Variants in PTPRF observed in about 807,000 individuals in gnomAD.
PTPRF encodes protein tyrosine phosphatase receptor type F.
A neutral mutation model predicts 201.8 loss-of-function variants in PTPRF; 59 were observed. The ratio of observed to expected loss-of-function variants is 0.29; its 90% CI spans 0.24 to 0.36. PTPRF has a LOEUF of 0.36. Among genes scored for constraint, PTPRF ranks in the 10% least tolerant of loss-of-function variants. The pLI is 1.00. For missense variants in PTPRF, 2,132 were observed against 2,690.5 expected, an observed-to-expected ratio of 0.79 and a Z score of 4.59; for synonymous variants, 1,088 against 1,089.7, an observed-to-expected ratio of 1.00 and a Z score of 0.03.
intron 22 of PTPRF, chr1:43,613,161 A>ATACGG: frequency 4.4e-6 from 1 of 225,986 alleles, no homozygotes; most frequent in Non-Finnish European, 8.9e-6. Context: ...GTACTTCATG[A>ATACGG]CCACTCCATC....
chr1:43,548,031 C>T (rs1048660795), intron 3 of PTPRF, among the ~76,000 whole-genome samples: 2 of 151,810 alleles, frequency 1.3e-5, no homozygotes, highest in Non-Finnish European at 2.9e-5. Flanking sequence ...GTGGCACTGA[C>T]ACAGGCCATG....
chr1:43,526,004 T>A (rs562181916), upstream of PTPRF, among the ~76,000 whole-genome samples: 5 of 151,546 alleles, frequency 3.3e-5, no homozygotes, highest in Non-Finnish European at 7.4e-5. Flanking sequence ...GGGAGGGAAT[T>A]TTTTTTAGGA....
chr1:43,578,209 G>A (rs1029848601), intron 6 of PTPRF, among the ~76,000 whole-genome samples: 2 of 152,234 alleles, frequency 1.3e-5, no homozygotes, highest in Admixed American at 6.5e-5. Context: ...TAGCAGGACC[G>A]GGCTGAGGAG....
rs1000899867 is a variant in PTPRF at position 43,592,552 on chromosome 1, G to A, written c.1764G>A (p.Met588Ile). 3.7e-6 allele frequency: 6 copies of A among 1,610,694 alleles called. No individual in the cohort carries two copies. The African/African-American group carries it at 6.7e-5, about 18-fold the overall frequency. The change falls in exon 11 of 34, where the codon ATG becomes ATA. Residue 588 changes from methionine (M) to isoleucine (I), a missense_variant. Met to Ile is a conservative substitution (Grantham distance 10). Around this residue, in one of 6 missense-constraint regions of PTPRF, gnomAD observed 351 missense variants for 401.7 expected, o/e 0.87. Transcript: ENST00000359947. ...YRFQLAARSD[M>I]GVGVFTPTIE... ...TCCAGCTGGCTGCACGCTCGGATAT[G>A]GGGGTGGGCGTCTTCACCCCCACCA...
chr1:43,585,053 A>T lies in PTPRF; in HGVS notation c.680-3678A>T, dbSNP rs187381686. Among the ~76,000 whole-genome samples, 264 of 152,360 alleles carry T rather than the reference A, an allele frequency of 1.7e-3. 4 individuals are homozygous for T. Among genetic ancestry groups the T allele is most frequent in the Non-Finnish European group, 4.1e-4 (28 of 68,032 alleles). The stretch of plus-strand genomic sequence containing the variant: ...AATTGTCTATAAAATGTCAGCACTA[A>T]GGATGCACAGGGAACGGTAATATAC... On this transcript the variant is annotated intron_variant, in intron 7 of 33. Coordinates refer to ENST00000359947, the MANE Select transcript of PTPRF (RefSeq NM_002840.5).
At chr1:43,580,895 A>G (rs1647420000) in intron 7 of PTPRF, among the ~76,000 whole-genome samples, 2 of 152,264 alleles carry the variant, frequency 1.3e-5, no homozygotes, top group African/African-American at 2.4e-5. Context: ...GGCGTGGCCT[A>G]TGGGCACATT....
intron 2 of PTPRF, among the ~76,000 whole-genome samples, chr1:43,539,212 G>GC (rs1257364815): frequency 6.6e-6 from 1 of 152,228 alleles, no homozygotes; most frequent in African/African-American, 2.4e-5. Context: ...GTGGCAGTGA[G>GC]GATGGAGGCA....
chr1:43,608,840 G>C (rs1229182766), intron 21 of PTPRF, among the ~76,000 whole-genome samples: 1 of 152,212 alleles, frequency 6.6e-6, no homozygotes, highest in Non-Finnish European at 1.5e-5. Context: ...CCTATGGTCT[G>C]TCTCTGACCC....
At chr1:43,523,855 C>G (rs900724028), upstream of PTPRF, among the ~76,000 whole-genome samples, 1 of 151,512 alleles carries the variant, frequency 6.6e-6, no homozygotes, top group East Asian at 1.9e-4. Context: ...CAAGGCCAGC[C>G]TGGCCAACAT....
At chr1:43,569,402 C>T (rs915951721) in intron 5 of PTPRF, among the ~76,000 whole-genome samples, 188 bp from the exon 6 acceptor site, 3 of 152,206 alleles carry the variant, frequency 2.0e-5, no homozygotes, top group African/African-American at 7.2e-5. Context: ...ACTGCAGCCT[C>T]TGCCCTGCCA....
chr1:43,528,840 T>C (rs571140516), upstream of PTPRF: 7 of 152,286 alleles, frequency 4.6e-5, no homozygotes, highest in East Asian at 7.7e-4. Context: ...AGACTGGAGA[T>C]AGAGACTTGG....
At chr1:43,568,311 A>G (rs897317602) in intron 5 of PTPRF, among the ~76,000 whole-genome samples, 1 of 151,276 alleles carries the variant, frequency 6.6e-6, no homozygotes, top group African/African-American at 2.4e-5. Flanking sequence ...AAAAAAAAAG[A>G]AAAAGAAAAT....
At chr1:43,611,111 G>A (rs1408055306) in intron 22 of PTPRF, among the ~76,000 whole-genome samples, 1 of 152,256 alleles carries the variant, frequency 6.6e-6, no homozygotes, top group Non-Finnish European at 1.5e-5. Flanking sequence ...GAGCCTTGCT[G>A]TGGCTGTCAG....
chr1:43,618,979 G>A, intron 26 of PTPRF, 69 bp from the exon 27 acceptor site: 1 of 1,551,704 alleles, frequency 6.4e-7, no homozygotes, highest in Non-Finnish European at 8.8e-7. Flanking sequence ...CTCAGCATCA[G>A]GTCATTCAGT....
chr1:43,553,914 A>G lies in PTPRF; in HGVS notation c.352A>G (p.Thr118Ala). Reference protein sequence around the residue: ...TATNSLGEINTSAKLSVLEEE... With the variant: ...TATNSLGEINASAKLSVLEEE... ...TACTAACAGCCTGGGTGAGATCAAC[A>G]CTAGTGCCAAGCTCTCAGTGCTCGA... The change falls in exon 5 of 34, where the codon ACT becomes GCT. Residue 118 changes from threonine (T) to alanine (A), a missense_variant. Thr to Ala is a moderately conservative substitution (Grantham distance 58). Transcript: ENST00000359947. The surrounding 1 kb of genome is among the most constrained non-coding windows in gnomAD (Gnocchi z 4.1). 6.2e-7 allele frequency: 1 copy of G among 1,614,184 alleles called. No homozygotes were observed. The highest frequency in any genetic ancestry group is 8.5e-7 in the Non-Finnish European group (1 of 1,180,020).
rs140619573 is a variant in PTPRF at position 43,533,867 on chromosome 1, C to T, written c.-126+2777C>T. Among the ~76,000 whole-genome samples the T allele has an allele frequency of 4.6e-5, 7 of 152,280 alleles. No individual in the cohort carries two copies. In the East Asian group the frequency reaches 5.8e-4, roughly 13 times the overall value. On this transcript the variant is annotated intron_variant, in intron 1 of 33. Coordinates refer to ENST00000359947, the MANE Select transcript of PTPRF (RefSeq NM_002840.5). ...TGATTGCTGACTGTGTGCCAGACCC[C>T]GGGGTAGGCGCTTTCGGCCCCGGCT...
At chr1:43,555,629 A>G (rs1255343305) in intron 5 of PTPRF, among the ~76,000 whole-genome samples, 1 of 151,970 alleles carries the variant, frequency 6.6e-6, no homozygotes, top group Non-Finnish European at 1.5e-5. Flanking sequence ...TATTTTTAGT[A>G]AAGACGGGGT....
chr1:43,619,167 C>A lies in PTPRF; in HGVS notation c.4611C>A (p.Asn1537Lys), dbSNP rs774058164. 1.9e-6 allele frequency: 3 copies of A among 1,613,598 alleles called. No individual in the cohort carries two copies. The highest frequency in any genetic ancestry group is 1.3e-5 in the African/African-American group (1 of 74,958). The change falls in exon 27 of 34, where the codon AAC (asparagine) becomes AAA (lysine). Residue 1537 changes from asparagine (N) to lysine (K), a missense_variant. Transcript: ENST00000359947. ...LAFLRRVKAC[N>K]PLDAGPMVVH... Reference sequence around the variant, plus strand: ...TCCTACGACGGGTCAAGGCCTGCAACCCCCTAGACGCAGGGCCCATGGTGG... The same window carrying A: ...TCCTACGACGGGTCAAGGCCTGCAAACCCCTAGACGCAGGGCCCATGGTGG...
intron 3 of PTPRF, among the ~76,000 whole-genome samples, chr1:43,548,164 G>A (rs1036561669): frequency 2.0e-5 from 3 of 152,098 alleles, no homozygotes; most frequent in African/African-American, 4.8e-5. Context: ...GAAGAAGCAC[G>A]AATGTGGCTG....
Sources: gnomAD v4.1 joint callset for allele counts (sites outside exome capture counted in the v4.1 genomes callset) on GRCh38, gnomAD v4.1.1 for gene constraint, gnomAD v4.1.1 regional missense constraint, Gnocchi (gnomAD v3.1) non-coding constraint, MANE v1.5 for transcripts, NCBI Gene and HGNC (gene_info 2026-07-23, HGNC 2026-07-21) for gene names.